DLGAP2: variants seen among roughly 807,000 people sequenced by gnomAD.
The protein encoded by DLGAP2 is DLG associated protein 2, also known as disks large-associated protein 2.
Under a neutral mutation model 100.3 loss-of-function variants are expected in DLGAP2, and 26 were observed. That is an observed-to-expected ratio of 0.26 (90% CI 0.19 to 0.36). DLGAP2 has a LOEUF of 0.36. DLGAP2 is among the 10% of genes least tolerant of loss of function. The pLI, the probability that DLGAP2 is intolerant of heterozygous loss-of-function variation, is 1.00. For missense variants in DLGAP2, 1,858 were observed against 1,453.2 expected, an observed-to-expected ratio of 1.28 and a Z score of -4.53; for synonymous variants, 886 against 630.1, an observed-to-expected ratio of 1.41 and a Z score of -6.08.
chr8:834,741 GAT>G, intron 1 of DLGAP2, among the ~76,000 whole-genome samples: 1 of 152,066 alleles, frequency 6.6e-6, no homozygotes, highest in East Asian at 1.9e-4. Flanking sequence ...TGAGTGACAG[GAT>G]CCTATTGGGT....
chr8:1,581,179 C>A (rs1019993947), intron 6 of DLGAP2, among the ~76,000 whole-genome samples: 8 of 142,528 alleles, frequency 5.6e-5, no homozygotes, highest in South Asian at 2.3e-4. Flanking sequence ...CAGACAAAAC[C>A]CCACACACAT....
intron 1 of DLGAP2, among the ~76,000 whole-genome samples, chr8:833,642 C>G (rs144664113): frequency 3.3e-5 from 5 of 152,334 alleles, no homozygotes; most frequent in Admixed American, 3.3e-4. Context: ...CGGCTTCTCC[C>G]CTTTGCAAAG....
chr8:1,314,458 C>T (rs1317541283), intron 3 of DLGAP2, among the ~76,000 whole-genome samples: 1 of 152,226 alleles, frequency 6.6e-6, no homozygotes, highest in African/African-American at 2.4e-5. Context: ...CTAGAGCTGT[C>T]TGTGCTGTAA....
rs117081225 is a variant in DLGAP2, at chr8:834,209, C to T, written c.19-73703C>T. On this transcript the variant is annotated intron_variant, in intron 1 of 14. Coordinates refer to ENST00000637795, the MANE Select transcript of DLGAP2 (RefSeq NM_001346810.2). ...AGCGGAGGAGTAGACCATGGGCTGACGAGTCCCAGTAGAGCAGTGCTGGCT... is the reference window on the plus strand; with the variant it reads ...AGCGGAGGAGTAGACCATGGGCTGATGAGTCCCAGTAGAGCAGTGCTGGCT... 3.7e-3 allele frequency among the ~76,000 whole-genome samples: 566 copies of T among 152,324 alleles called. 1 individual carries two copies. The highest frequency in any genetic ancestry group is 0.017 in the South Asian group (84 of 4,828).
intron 1 of DLGAP2, among the ~76,000 whole-genome samples, chr8:752,156 C>T (rs1422979120): frequency 6.6e-6 from 1 of 152,188 alleles, no homozygotes; most frequent in Admixed American, 6.5e-5. Context: ...TCTCCCTTCC[C>T]TGTGCTGAAA....
intron 2 of DLGAP2, among the ~76,000 whole-genome samples, chr8:1,007,640 G>GA (rs1242660622): frequency 2.0e-5 from 3 of 148,702 alleles, no homozygotes; most frequent in East Asian, 4.2e-4. Flanking sequence ...TTTTTTGGGG[G>GA]GGGGATCTTC....
chr8:980,027 G>A (rs972115427), intron 2 of DLGAP2, among the ~76,000 whole-genome samples: 2 of 152,188 alleles, frequency 1.3e-5, no homozygotes, highest in African/African-American at 2.4e-5. Context: ...CTGTTCAAAG[G>A]TGGATTTGTG....
intron 3 of DLGAP2, among the ~76,000 whole-genome samples, chr8:1,468,211 C>T (rs114225272): frequency 0.014 from 2,118 of 152,244 alleles, 57 homozygotes; most frequent in African/African-American, 0.049. Flanking sequence ...CCGGGCTGGC[C>T]CTGTGTCCTC....
chr8:821,494 A>G (rs187128619), intron 1 of DLGAP2, among the ~76,000 whole-genome samples: 1 of 152,366 alleles, frequency 6.6e-6, no homozygotes, highest in East Asian at 1.9e-4. Context: ...TGCCATGGAA[A>G]AAATGAGCTG....
intron 6 of DLGAP2, among the ~76,000 whole-genome samples, chr8:1,600,438 G>A (rs1796589687): frequency 6.6e-6 from 1 of 152,148 alleles, no homozygotes; most frequent in Admixed American, 6.5e-5. Flanking sequence ...GGTTGGAGAA[G>A]TTCTCCTGGA....
chr8:1,202,961 A>T lies in DLGAP2; in HGVS notation c.74-55890A>T, dbSNP rs948564709. 3.9e-5 allele frequency among the ~76,000 whole-genome samples: 6 copies of T among 152,292 alleles called. No homozygotes were observed. The South Asian group carries it at 6.2e-4, about 16-fold the overall frequency. On this transcript the variant is annotated intron_variant, in intron 2 of 14. Coordinates refer to ENST00000637795, the MANE Select transcript of DLGAP2 (RefSeq NM_001346810.2). ...ACATGCGCTCCCGAGAAGCTGAGCG[A>T]CATCACGGTTTCCGTGTACTCCGGT...
intron 1 of DLGAP2, chr8:739,895 G>C (rs1585810462): frequency 6.6e-6 from 1 of 152,370 alleles, no homozygotes; most frequent in Non-Finnish European, 1.5e-5. Context: ...GAGGGACCGA[G>C]GTGACACAGA....
At chr8:1,642,085 A>C (rs1475396865) in intron 8 of DLGAP2, among the ~76,000 whole-genome samples, 1 of 14,726 alleles carries the variant, frequency 6.8e-5, no homozygotes, top group African/African-American at 1.0e-3. Flanking sequence ...CACCTGTGTC[A>C]CCCTCGAACC....
At chr8:1,372,278 C>CG (rs1302553340) in intron 3 of DLGAP2, among the ~76,000 whole-genome samples, 1 of 152,092 alleles carries the variant, frequency 6.6e-6, no homozygotes, top group Non-Finnish European at 1.5e-5. Flanking sequence ...AACGCTGGGA[C>CG]GCTGGTCACC....
intron 2 of DLGAP2, among the ~76,000 whole-genome samples, chr8:997,750 A>T (rs1800820914): frequency 6.6e-6 from 1 of 152,246 alleles, no homozygotes; most frequent in Non-Finnish European, 1.5e-5. Context: ...AAATGAAAGT[A>T]CTATTCCTGC....
intron 2 of DLGAP2, among the ~76,000 whole-genome samples, chr8:1,171,659 A>G (rs909172507): frequency 6.6e-6 from 1 of 151,910 alleles, no homozygotes; most frequent in Non-Finnish European, 1.5e-5. Context: ...GTCAACTTTG[A>G]TCTTTGTTGG....
At chr8:1,182,833 G>A (rs1797419978) in intron 2 of DLGAP2, among the ~76,000 whole-genome samples, 1 of 152,214 alleles carries the variant, frequency 6.6e-6, no homozygotes, top group African/African-American at 2.4e-5. Context: ...GTGGCGCGTG[G>A]GGGACGGACT....
intron 3 of DLGAP2, among the ~76,000 whole-genome samples, chr8:1,417,693 G>GGCACGGGGA (rs1796960141): frequency 0.021 from 1,914 of 92,992 alleles, 270 homozygotes; most frequent in East Asian, 0.13. Flanking sequence ...GGGCACAGGG[G>GGCACGGGGA]GCCCCACTCC....
chr8:1,072,791 G>T (rs1359968955), intron 2 of DLGAP2, among the ~76,000 whole-genome samples: 2 of 152,198 alleles, frequency 1.3e-5, no homozygotes, highest in Non-Finnish European at 2.9e-5. Flanking sequence ...GCCAGCGTTT[G>T]TTAGGCACGT....
Sources: allele counts gnomAD v4.1 joint callset (sites outside exome capture counted in the v4.1 genomes callset), GRCh38; gene constraint gnomAD v4.1.1; transcripts MANE v1.5; gene names NCBI Gene and HGNC (gene_info 2026-07-23, HGNC 2026-07-21).